The following LYRM4 variants were observed in gnomAD, a reference collection of about 807,000 sequenced individuals.
The protein encoded by LYRM4 is LYR motif containing 4.
A neutral mutation model predicts 11.7 loss-of-function variants in LYRM4; 9 were observed. The ratio of observed to expected loss-of-function variants is 0.77; its 90% CI spans 0.46 to 1.34. The LOEUF (loss-of-function observed/expected upper bound fraction) is 1.34, where lower values mean the gene tolerates loss of function less well. Among genes scored for constraint, LYRM4 ranks in the 40% most tolerant of loss-of-function variants. The pLI is 0.00. For synonymous variants in LYRM4, 42 were observed against 40.4 expected, an observed-to-expected ratio of 1.04 and a Z score of -0.15; for missense variants, 133 against 112.5, an observed-to-expected ratio of 1.18 and a Z score of -0.82.
the LYRM4 span, among the ~76,000 whole-genome samples, chr6:5,052,316 T>C: frequency 6.6e-6 from 1 of 152,234 alleles, no homozygotes; most frequent in Non-Finnish European, 1.5e-5. Flanking sequence ...TTAGTTTATA[T>C]TTCAGGTGAC....
Position 5,260,624 on chromosome 6 carries a change from GGCCCCCGGT to G in LYRM4, c.86+15_86+23del. The G allele has an allele frequency of 1.5e-6, 1 of 665,534 alleles. No individual in the cohort carries two copies. The highest frequency in any genetic ancestry group is 2.5e-5 in the South Asian group (1 of 40,014). 41.2% of individuals were successfully genotyped at this position (665,534 alleles called of 1,614,324 possible). On this transcript the variant is annotated intron_variant, in intron 1 of 2. Transcript: ENST00000330636. ...CCCCGGCCCCTGGCCCCCCGCCCCC[GGCCCCCGGT>G]GCCCGCTGGGTCACCTGTAATTGTA...
the LYRM4 span, among the ~76,000 whole-genome samples, chr6:5,040,914 C>T: frequency 2.6e-5 from 4 of 152,028 alleles, no homozygotes; most frequent in Non-Finnish European, 5.9e-5. Flanking sequence ...GGTGGATTAC[C>T]GCAACTCTAA....
the LYRM4 span, among the ~76,000 whole-genome samples, chr6:5,073,415 C>T: frequency 4.0e-5 from 6 of 150,584 alleles, no homozygotes; most frequent in African/African-American, 1.5e-4. Flanking sequence ...ATTTCTCTAT[C>T]AGAGCTGCAC....
At chr6:5,147,347 TG>T (rs1166580708) in intron 2 of LYRM4, among the ~76,000 whole-genome samples, 1 of 152,206 alleles carries the variant, frequency 6.6e-6, no homozygotes, top group African/African-American at 2.4e-5. Context: ...AAGTCACTGA[TG>T]TCATATTTTA....
intron 2 of LYRM4, among the ~76,000 whole-genome samples, chr6:5,192,474 A>T (rs953511981): frequency 1.3e-5 from 2 of 152,102 alleles, no homozygotes; most frequent in African/African-American, 4.8e-5. Flanking sequence ...TGTCAGGAAA[A>T]ATTGACTTTT....
At chr6:5,179,941 G>A (rs1278884504) in intron 2 of LYRM4, among the ~76,000 whole-genome samples, 1 of 152,196 alleles carries the variant, frequency 6.6e-6, no homozygotes, top group Non-Finnish European at 1.5e-5. Context: ...CTAATCATAG[G>A]AGATGTAAGT....
At chr6:5,171,172 A>T (rs1759406439) in intron 2 of LYRM4, among the ~76,000 whole-genome samples, 1 of 152,214 alleles carries the variant, frequency 6.6e-6, no homozygotes, top group South Asian at 2.1e-4. Context: ...TCTACCCTCA[A>T]ATATTATTAC....
the LYRM4 span, chr6:5,032,059 T>C: frequency 6.6e-6 from 1 of 152,256 alleles, no homozygotes; most frequent in Non-Finnish European, 1.5e-5. Context: ...GGCTATACTT[T>C]GTAATTACCA....
chr6:5,160,061 G>T (rs1214421302), intron 2 of LYRM4, among the ~76,000 whole-genome samples: 1 of 152,172 alleles, frequency 6.6e-6, no homozygotes, highest in Non-Finnish European at 1.5e-5. Flanking sequence ...CCATCCGGAA[G>T]TGAGGTCTTA....
At chr6:5,241,485 C>A (rs1348192100) in intron 1 of LYRM4, among the ~76,000 whole-genome samples, 1 of 152,152 alleles carries the variant, frequency 6.6e-6, no homozygotes, top group Non-Finnish European at 1.5e-5. Context: ...TGAATGAAAC[C>A]AATTCTTCCA....
chr6:5,086,072 G>A, the LYRM4 span: 25 of 1,469,204 alleles, frequency 1.7e-5, no homozygotes, highest in East Asian at 5.7e-4. Context: ...CCGCCTTCCC[G>A]GCTCCGGCCG....
chr6:5,226,209 A>C (rs1167183953), intron 1 of LYRM4, among the ~76,000 whole-genome samples: 1 of 152,200 alleles, frequency 6.6e-6, no homozygotes, highest in African/African-American at 2.4e-5. Context: ...TATGTATAAA[A>C]GCCTACCCTA....
intron 1 of LYRM4, among the ~76,000 whole-genome samples, chr6:5,223,202 T>G (rs1238280746): frequency 1.3e-5 from 2 of 152,224 alleles, no homozygotes; most frequent in African/African-American, 4.8e-5. Context: ...AGATACCTAT[T>G]TTCAAATCTT....
At chr6:5,152,393 T>TA (rs1366952435) in intron 2 of LYRM4, among the ~76,000 whole-genome samples, 2 of 152,188 alleles carry the variant, frequency 1.3e-5, no homozygotes, top group Non-Finnish European at 2.9e-5. Context: ...GACACACATG[T>TA]ACTACCTCCA....
At chr6:5,205,084 C>T (rs959741668) in intron 2 of LYRM4, among the ~76,000 whole-genome samples, 7 of 152,198 alleles carry the variant, frequency 4.6e-5, no homozygotes, top group African/African-American at 4.8e-5. Flanking sequence ...ATAAGAACAA[C>T]GCTAATCCTC....
the LYRM4 span, among the ~76,000 whole-genome samples, chr6:5,065,004 C>CTGTT: frequency 4.0e-4 from 61 of 152,138 alleles, no homozygotes; most frequent in Non-Finnish European, 1.8e-4. Flanking sequence ...TTTCACTGCC[C>CTGTT]TAAAACCTCT....
the LYRM4 span, among the ~76,000 whole-genome samples, chr6:5,041,372 G>T: frequency 6.6e-6 from 1 of 152,090 alleles, no homozygotes; most frequent in East Asian, 1.9e-4. Context: ...ATTCCGTTTG[G>T]TTTTTTGTAA....
At position 5,135,538 on chromosome 6, in the gene LYRM4, TGGGGCTGTGGAGGGTGCGGATCGCTCCA is replaced by T. The variant is rs1757047864; in HGVS notation, c.208-26075_208-26048del. ...GACTGTGGAGGGTGCGGATCGCTCC[TGGGGCTGTGGAGGGTGCGGATCGCTCCA>T]GGTGTGATTTTCATGGGAATGGAAC... On this transcript the variant is annotated intron_variant, in intron 2 of 2. Coordinates refer to ENST00000330636, the MANE Select transcript of LYRM4 (RefSeq NM_020408.6). 2.4e-5 allele frequency among the ~76,000 whole-genome samples: 3 copies of T among 125,380 alleles called. 1 individual carries two copies. Among genetic ancestry groups the T allele is most frequent in the African/African-American group, 8.9e-5 (3 of 33,856 alleles). 82.3% of individuals were successfully genotyped at this position (125,380 alleles called of 152,430 possible). A position where few individuals can be genotyped will look rare whatever the true frequency, so the allele number is the denominator to read the frequency against.
intron 2 of LYRM4, among the ~76,000 whole-genome samples, chr6:5,118,094 A>ATATATATATATATATTTTTTTT: frequency 3.5e-5 from 3 of 86,126 alleles, no homozygotes; most frequent in East Asian, 6.2e-4. Context: ...ATATATATAT[A>ATATATATATATATATTTTTTTT]TTTTTGTTTT....
Sources: gnomAD v4.1 joint callset for allele counts (sites outside exome capture counted in the v4.1 genomes callset) on GRCh38, gnomAD v4.1.1 for gene constraint, MANE v1.5 for transcripts, NCBI Gene and HGNC (gene_info 2026-07-23, HGNC 2026-07-21) for gene names.